SMYD4: variants seen among roughly 807,000 people sequenced by gnomAD.
The protein encoded by SMYD4 is protein-lysine N-methyltransferase SMYD4.
In SMYD4, 68 loss-of-function variants were observed where a neutral mutation model predicts 72.8. The observed-to-expected ratio is 0.93, with a 90% CI of 0.77 to 1.14. The LOEUF is 1.14. Among genes scored for constraint, SMYD4 ranks in the 50% most tolerant of loss-of-function variants. The pLI is 0.00. For synonymous variants in SMYD4, 407 were observed against 388.6 expected, an observed-to-expected ratio of 1.05 and a Z score of -0.56; for missense variants, 984 against 1,003.7, an observed-to-expected ratio of 0.98 and a Z score of 0.27.
Position 1,829,849 on chromosome 17 carries a change from CCGCCCCGCACCGCGTCCGG to C in SMYD4, c.-155_-137del, listed in dbSNP as rs1255682036. On this transcript the variant is annotated 5_prime_UTR_variant, in exon 1 of 11. Coordinates refer to ENST00000305513, the MANE Select transcript of SMYD4 (RefSeq NM_052928.3). ...CTGGCGCGCCCCTTGGCGCCCCGCTCCGCCCCGCACCGCGTCCGGCGTCCCGCGCCAGGCCTCGCTTGGG... is the reference window on the plus strand; with the variant it reads ...CTGGCGCGCCCCTTGGCGCCCCGCTCCGTCCCGCGCCAGGCCTCGCTTGGG... 1 of 317,716 alleles carries C rather than the reference CCGCCCCGCACCGCGTCCGG, an allele frequency of 3.1e-6. No homozygotes were observed. The highest frequency in any genetic ancestry group is 5.6e-6 in the Non-Finnish European group (1 of 179,148). The allele number at this position is 317,716 out of a possible 1,614,324, so 19.7% of individuals were successfully genotyped here.
intron 4 of SMYD4, among the ~76,000 whole-genome samples, chr17:1,804,154 C>T (rs1183207692): frequency 6.6e-6 from 1 of 151,718 alleles, no homozygotes; most frequent in East Asian, 1.9e-4. Flanking sequence ...GGATTACAGG[C>T]ATGAGCCACT....
chr17:1,786,743 C>G, intron 7 of SMYD4, 67 bp downstream of exon 7: 1 of 1,596,736 alleles, frequency 6.3e-7, no homozygotes, highest in South Asian at 1.1e-5. Flanking sequence ...TCCTCCTAAA[C>G]ACTGATCACC....
At chr17:1,820,725 T>C (rs1277063342) in intron 2 of SMYD4, among the ~76,000 whole-genome samples, 1 of 151,876 alleles carries the variant, frequency 6.6e-6, no homozygotes, top group Non-Finnish European at 1.5e-5. Context: ...AGTGGAGAGG[T>C]AGGGGTGGAC....
In SMYD4 at chr17:1,829,814, C is replaced by T. The variant is rs1911436994; in HGVS notation, c.-101G>A. ...GCGCCCTGGTCTCCCTCCCAGCGCC[C>T]GCGCAGCTCCTGGCGCGCCCCTTGG... On this transcript the variant is annotated 5_prime_UTR_variant, in exon 1 of 11. Coordinates refer to ENST00000305513, the MANE Select transcript of SMYD4 (RefSeq NM_052928.3). 1 of 259,742 alleles carries T rather than the reference C, an allele frequency of 3.8e-6. No homozygotes were observed. The highest frequency in any genetic ancestry group is 7.2e-6 in the Non-Finnish European group (1 of 139,276). The allele number at this position is 259,742 out of a possible 1,614,324, so 16.1% of individuals were successfully genotyped here.
intron 2 of SMYD4, among the ~76,000 whole-genome samples, chr17:1,813,442 G>C (rs985205947): frequency 1.3e-5 from 2 of 151,968 alleles, no homozygotes; most frequent in Non-Finnish European, 2.9e-5. Context: ...TTTGGAGACA[G>C]AGTCTCACTT....
chr17:1,795,747 G>GTTTTTT lies in SMYD4; in HGVS notation c.1537+4104_1537+4109dup, dbSNP rs368038317. On this transcript the variant is annotated intron_variant, in intron 5 of 10. Coordinates refer to ENST00000305513, the MANE Select transcript of SMYD4 (RefSeq NM_052928.3). ...ATGAGCCACTGTGCCTGGCCCGTGAGTTTTTTTTTTTTTTTTTTAAGTATT... is the reference window on the plus strand; with the variant it reads ...ATGAGCCACTGTGCCTGGCCCGTGAGTTTTTTTTTTTTTTTTTTTTTTTTAAGTATT... 8.8e-3 allele frequency among the ~76,000 whole-genome samples: 1,126 copies of GTTTTTT among 128,428 alleles called. 28 individuals carry two copies. The highest frequency in any genetic ancestry group is 0.026 in the African/African-American group (810 of 31,684). 84.3% of individuals were successfully genotyped at this position (128,428 alleles called of 152,430 possible).
intron 2 of SMYD4, among the ~76,000 whole-genome samples, chr17:1,824,285 G>A (rs1377365708): frequency 1.3e-5 from 2 of 152,196 alleles, no homozygotes; most frequent in Non-Finnish European, 2.9e-5. Context: ...ACAAGTTGCA[G>A]TGAGCTGAGA....
intron 3 of SMYD4, among the ~76,000 whole-genome samples, chr17:1,805,856 A>G (rs1910004049): frequency 6.6e-6 from 1 of 150,476 alleles, no homozygotes; most frequent in Non-Finnish European, 1.5e-5. Flanking sequence ...ATATATATGT[A>G]TAAGTAGGTA....
intron 5 of SMYD4, among the ~76,000 whole-genome samples, chr17:1,795,656 G>A (rs9675334): frequency 0.019 from 2,919 of 151,624 alleles, 110 homozygotes; most frequent in African/African-American, 0.067. Flanking sequence ...TGGCCAGGCT[G>A]GTCTCGAACT....
rs1464755319 is a variant in SMYD4, at chr17:1,800,951, C to T, written c.443G>A (p.Arg148His). The change falls in exon 5 of 11, where the codon CGT (arginine) becomes CAT (histidine). Residue 148 changes from arginine to histidine, a missense_variant. Coordinates refer to ENST00000305513, the MANE Select transcript of SMYD4 (RefSeq NM_052928.3). ...PERLQPKIML[R>H]KAECLVALGR... ...CAGGGCCACCAGACATTCTGCTTTA[C>T]GTAACATAATCTTGGGTTGCAACCT... The T allele has an allele frequency of 2.5e-5, 40 of 1,614,178 alleles. No homozygotes were observed. Among genetic ancestry groups the T allele is most frequent in the Non-Finnish European group, 3.2e-5 (38 of 1,179,996 alleles).
rs188656078 is a variant in SMYD4 at position 1,800,542 on chromosome 17, T to C, written c.852A>G (p.Lys284=). 1.9e-6 allele frequency: 3 copies of C among 1,614,150 alleles called. No individual in the cohort carries two copies. Among genetic ancestry groups the C allele is most frequent in the African/African-American group, 2.7e-5 (2 of 75,044 alleles). The change falls in exon 5 of 11, where the codon AAA becomes AAG. Residue 284 remains lysine (K), a synonymous_variant. Coordinates refer to ENST00000305513, the MANE Select transcript of SMYD4 (RefSeq NM_052928.3). ...CCCCATTGGTGACTCTGGTGTCCCA[T>C]TTGCTGTCTAGGCCGTGATGCGGTG... ...LPPPHHGLDS[K]WDTRVTNGDL... is the part of the protein sequence containing the mutation.
intron 2 of SMYD4, among the ~76,000 whole-genome samples, chr17:1,815,062 CT>C (rs368810379): frequency 2.9e-4 from 42 of 146,228 alleles, no homozygotes; most frequent in South Asian, 4.4e-4. Flanking sequence ...AACTCAATGT[CT>C]TTTTTTTTTT....
intron 1 of SMYD4, among the ~76,000 whole-genome samples, chr17:1,828,294 T>C (rs1911310432): frequency 6.8e-6 from 1 of 147,642 alleles, no homozygotes; most frequent in African/African-American, 2.5e-5. Context: ...GAGGTTGCAG[T>C]GAGCTGAGAT....
chr17:1,813,753 C>T (rs1910449799), intron 2 of SMYD4, among the ~76,000 whole-genome samples: 1 of 151,948 alleles, frequency 6.6e-6, no homozygotes, highest in Non-Finnish European at 1.5e-5. Flanking sequence ...GAAATTATTT[C>T]AAACTAAGAA....
At chr17:1,795,765 T>TTTTTTTA (rs59609537) in intron 5 of SMYD4, among the ~76,000 whole-genome samples, 1 of 150,358 alleles carries the variant, frequency 6.7e-6, no homozygotes, top group Non-Finnish European at 1.5e-5. Context: ...TTTTTTTTTT[T>TTTTTTTA]AAGTATTTTC....
At chr17:1,801,090 T>C (rs1909723447) in intron 4 of SMYD4, 66 bp from the exon 5 acceptor site, 2 of 1,446,450 alleles carry the variant, frequency 1.4e-6, no homozygotes, top group African/African-American at 1.4e-5. Context: ...ACTGAAAATG[T>C]TTCCAAAAAT....
intron 2 of SMYD4, 45 bp from the exon 3 acceptor site, chr17:1,812,160 T>C (rs1910363479): frequency 1.9e-6 from 3 of 1,597,542 alleles, no homozygotes; most frequent in Middle Eastern, 3.4e-4. Flanking sequence ...AATGTGTTAT[T>C]TCAAGGAAAG....
At chr17:1,785,714 C>A (rs80203091) in intron 7 of SMYD4, among the ~76,000 whole-genome samples, 1 of 146,256 alleles carries the variant, frequency 6.8e-6, no homozygotes, top group East Asian at 2.0e-4. Flanking sequence ...AAGCAGAGAT[C>A]GTGCCACTGC....
chr17:1,821,659 A>G (rs1055081564), intron 2 of SMYD4, among the ~76,000 whole-genome samples: 4 of 151,684 alleles, frequency 2.6e-5, no homozygotes, highest in African/African-American at 9.7e-5. Context: ...GGCTGGGCAC[A>G]GTGGCTCACA....
Sources: allele counts gnomAD v4.1 joint callset (sites outside exome capture counted in the v4.1 genomes callset), GRCh38; gene constraint gnomAD v4.1.1; transcripts MANE v1.5; gene names NCBI Gene and HGNC (gene_info 2026-07-23, HGNC 2026-07-21).